Variants in PCA3 observed in about 807,000 individuals in gnomAD.
PCA3 encodes Differential Display code 3.
At chr9:76,786,396 C>T (rs2054982589) in intron 2 of PCA3, 1 of 152,480 alleles carries the variant, frequency 6.6e-6, no homozygotes, top group South Asian at 2.1e-4. Context: ...TCATCGTCCC[C>T]ATCTCTGTGA....
chr9:76,772,185 C>A (rs1372457558), intron 2 of PCA3, among the ~76,000 whole-genome samples: 1 of 152,130 alleles, frequency 6.6e-6, no homozygotes, highest in East Asian at 1.9e-4. Context: ...CCTATCCTGG[C>A]ACCAAAATGA....
chr9:76,782,571 C>A (rs1226233907), intron 2 of PCA3: 2 of 152,120 alleles, frequency 1.3e-5, no homozygotes, highest in African/African-American at 2.4e-5. Flanking sequence ...GAGTCCCAGC[C>A]ATATGTTAAG....
At chr9:76,776,338 T>C (rs1194466998) in intron 2 of PCA3, among the ~76,000 whole-genome samples, 1 of 152,084 alleles carries the variant, frequency 6.6e-6, no homozygotes. Context: ...ACTCTCTGTG[T>C]CCATGTGTAC....
At chr9:76,768,710 T>G (rs2052744999) in intron 2 of PCA3, among the ~76,000 whole-genome samples, 1 of 151,934 alleles carries the variant, frequency 6.6e-6, no homozygotes. Context: ...AATTTATGGT[T>G]TACCTCACCT....
intron 2 of PCA3, chr9:76,787,303 GTTA>G (rs756044527): frequency 2.0e-5 from 3 of 150,274 alleles, no homozygotes; most frequent in African/African-American, 4.9e-5. Context: ...ATATTACGTT[GTTA>G]TTATTTTGTT....
At chr9:76,782,217 A>T (rs900577062) in intron 2 of PCA3, among the ~76,000 whole-genome samples, 1 of 150,104 alleles carries the variant, frequency 6.7e-6, no homozygotes, top group Admixed American at 6.6e-5. Context: ...CCATCTCAAA[A>T]AAAGAAAAAA....
At chr9:76,780,405 C>T (rs1460913699) in intron 2 of PCA3, among the ~76,000 whole-genome samples, 2 of 151,526 alleles carry the variant, frequency 1.3e-5, no homozygotes, top group African/African-American at 2.4e-5. Context: ...AACCAAGCAG[C>T]GGCCAGGCAC....
At chr9:76,765,033 T>C (rs1031033020) in intron 2 of PCA3, among the ~76,000 whole-genome samples, 8 of 152,160 alleles carry the variant, frequency 5.3e-5, no homozygotes, top group Admixed American at 5.2e-4. Flanking sequence ...GAGATACCCA[T>C]TAGATATTTA....
intron 2 of PCA3, among the ~76,000 whole-genome samples, chr9:76,782,453 C>G (rs372708079): frequency 2.6e-5 from 4 of 152,198 alleles, no homozygotes; most frequent in Admixed American, 6.5e-5. Flanking sequence ...GAAAGTTATT[C>G]TCTCTGTGCC....
intron 2 of PCA3, among the ~76,000 whole-genome samples, chr9:76,765,597 TATCTATCCATCC>T (rs1212744335): frequency 6.6e-6 from 1 of 152,180 alleles, no homozygotes; most frequent in Non-Finnish European, 1.5e-5. Context: ...ATGAGTAAAC[TATCTATCCATCC>T]ATCTATCCAT....
intron 2 of PCA3, among the ~76,000 whole-genome samples, chr9:76,774,065 G>C (rs528303741): frequency 6.6e-6 from 1 of 152,228 alleles, no homozygotes; most frequent in South Asian, 2.1e-4. Context: ...ATAATAATTA[G>C]ATTATTTACT....
intron 2 of PCA3, among the ~76,000 whole-genome samples, chr9:76,777,915 C>T (rs2053975640): frequency 1.3e-5 from 2 of 152,058 alleles, no homozygotes; most frequent in South Asian, 4.2e-4. Context: ...GGTACAAAGT[C>T]CCTGAGGCAA....
At chr9:76,778,170 G>A (rs11145055) in intron 2 of PCA3, among the ~76,000 whole-genome samples, 2,112 of 152,294 alleles carry the variant, frequency 0.014, 27 homozygotes, top group Non-Finnish European at 0.019. Context: ...AGAATCTGAT[G>A]TTTGCAAGTT....
intron 2 of PCA3, among the ~76,000 whole-genome samples, chr9:76,767,055 T>C (rs1442230981): frequency 6.6e-6 from 1 of 152,214 alleles, no homozygotes; most frequent in Non-Finnish European, 1.5e-5. Flanking sequence ...TATTCTGGTA[T>C]AGCGTCTCCA....
At chr9:76,769,869 A>G (rs2052898562) in intron 2 of PCA3, among the ~76,000 whole-genome samples, 1 of 152,248 alleles carries the variant, frequency 6.6e-6, no homozygotes, top group Non-Finnish European at 1.5e-5. Context: ...TACCCTGAAC[A>G]TTCTGTCATA....
chr9:76,770,660 G>C (rs1330912807), intron 2 of PCA3, among the ~76,000 whole-genome samples: 2 of 152,074 alleles, frequency 1.3e-5, no homozygotes, highest in African/African-American at 4.8e-5. Flanking sequence ...TAGGTTTATT[G>C]CAACAATTTG....
intron 2 of PCA3, among the ~76,000 whole-genome samples, chr9:76,765,921 G>A (rs946702181): frequency 5.9e-5 from 9 of 152,064 alleles, no homozygotes; most frequent in African/African-American, 1.4e-4. Flanking sequence ...GGTGGCTCAC[G>A]CCTATAATCC....
At chr9:76,783,749 C>T (rs773661600) in intron 2 of PCA3, 5 of 152,164 alleles carry the variant, frequency 3.3e-5, no homozygotes, top group South Asian at 4.1e-4. Context: ...TGAGGCCACA[C>T]ATCTGCTGAA....
At chr9:76,764,944 A>G (rs563665428) in intron 2 of PCA3, among the ~76,000 whole-genome samples, 3 of 152,218 alleles carry the variant, frequency 2.0e-5, no homozygotes, top group Non-Finnish European at 4.4e-5. Flanking sequence ...GTTGCTGACT[A>G]ACTATACTGA....
Sources: gnomAD v4.1 joint callset for allele counts (sites outside exome capture counted in the v4.1 genomes callset) on GRCh38, gnomAD v4.1.1 for gene constraint, MANE v1.5 for transcripts, NCBI Gene and HGNC (gene_info 2026-07-23, HGNC 2026-07-21) for gene names.